ZNF229: variants seen among roughly 807,000 people sequenced by gnomAD.
ZNF229 encodes the protein zinc finger protein 229.
ZNF229 carries 10 observed loss-of-function variants against 11.8 expected under a neutral mutation model. That is an observed-to-expected ratio of 0.85 (90% CI 0.52 to 1.44). The LOEUF (loss-of-function observed/expected upper bound fraction) is 1.44. Among genes scored for constraint, ZNF229 ranks in the 40% most tolerant of loss-of-function variants. The pLI is 0.00. For missense variants in ZNF229, 1,045 were observed against 1,015.1 expected (o/e 1.03, Z -0.40); for synonymous variants, 368 against 374.8 (o/e 0.98, Z 0.21).
At chr19:44,431,087 C>T (rs1195086187) in intron 5 of ZNF229, among the ~76,000 whole-genome samples, 1 of 152,116 alleles carries the variant, frequency 6.6e-6, no homozygotes, top group Admixed American at 6.5e-5. Flanking sequence ...CACTGTGTCT[C>T]AGGGGTGACT....
rs1487145453 is a variant in ZNF229 at position 44,429,357 on chromosome 19, T to C, written c.1424A>G (p.His475Arg). Residue 475 changes from histidine (H) to arginine (R), a missense_variant, in exon 6 of 6, where the codon CAC (histidine) becomes CGC (arginine). His to Arg is a conservative substitution (Grantham distance 29). Transcript: ENST00000614049. Reference sequence around the variant, plus strand: ...GTGTGTCTTCTGATGACTGCTGAGGTGGGAGCTGCAGCTGAATCCCTTTCC... The same window carrying C: ...GTGTGTCTTCTGATGACTGCTGAGGCGGGAGCTGCAGCTGAATCCCTTTCC... ...ECGKGFSCSS[H>R]LSSHQKTHTG... 3 of 1,613,878 alleles carry C rather than the reference T, an allele frequency of 1.9e-6. No homozygotes were observed. The highest frequency in any genetic ancestry group is 1.1e-5 in the South Asian group (1 of 91,088).
intron 2 of ZNF229, among the ~76,000 whole-genome samples, chr19:44,443,533 T>C (rs1971952924): frequency 1.3e-5 from 2 of 152,194 alleles, no homozygotes; most frequent in Non-Finnish European, 2.9e-5. Flanking sequence ...AAGTTTTAAA[T>C]GCATAAAATG....
At chr19:44,430,567 G>A (rs1276106878) in intron 5 of ZNF229, 25 bp from the exon 6 acceptor site, 1 of 1,582,154 alleles carries the variant, frequency 6.3e-7, no homozygotes, top group African/African-American at 1.4e-5. Flanking sequence ...ACAATTCAGA[G>A]ATGAGAACTA....
Position 44,426,429 on chromosome 19 carries a change from T to C in ZNF229, c.*1874A>G, listed in dbSNP as rs184587590. 74 of 152,328 alleles carry C rather than the reference T, an allele frequency of 4.9e-4. 1 individual carries two copies. The highest frequency in any genetic ancestry group is 1.8e-3 in the African/African-American group (73 of 41,534). 9.4% of individuals were successfully genotyped at this position (152,328 alleles called of 1,614,324 possible). On this transcript the variant is annotated 3_prime_UTR_variant, in exon 6 of 6. Transcript: ENST00000614049. ...TCCCACCACTAGAGATAAGTAGTTA[T>C]ATGTCCTCTCCCACATCTTTTTTTC...
At chr19:44,431,736 C>A (rs1341683719) in intron 5 of ZNF229, 6 of 985,846 alleles carry the variant, frequency 6.1e-6, no homozygotes, top group Non-Finnish European at 7.2e-6. Flanking sequence ...AGGCTCTTGT[C>A]TCCAAGACCT....
In ZNF229 at chr19:44,430,066, G is replaced by A. The variant is rs1971687450; in HGVS notation, c.715C>T (p.Pro239Ser). 2 of 1,614,004 alleles carry A rather than the reference G, an allele frequency of 1.2e-6. No individual in the cohort carries two copies. The highest frequency in any genetic ancestry group is 1.7e-6 in the Non-Finnish European group (2 of 1,180,042). Residue 239 changes from proline to serine, a missense_variant, in exon 6 of 6, where the codon CCG becomes TCG. Coordinates refer to ENST00000614049, the MANE Select transcript of ZNF229 (RefSeq NM_014518.4). ...TTTCTGCATTTATTGCAACCACACG[G>A]CTTGTCTATTTCAGGGAATCTGTGA... ...VDHRFPEIDKPCGCNKCRKDC... is the reference protein window; with the variant it reads ...VDHRFPEIDKSCGCNKCRKDC...
chr19:44,429,657 C>T lies in ZNF229; in HGVS notation c.1124G>A (p.Arg375Lys), dbSNP rs771028261. 6 of 1,614,094 alleles carry T rather than the reference C, an allele frequency of 3.7e-6. No individual in the cohort carries two copies. In the East Asian group the frequency reaches 1.3e-4, roughly 36 times the overall value. Reference protein sequence around the residue: ...LIHQGVHTGRRPYKCEECGKA... With the variant: ...LIHQGVHTGRKPYKCEECGKA... ...CCCACACTCCTCACATTTATAGGGT[C>T]TCCTTCCTGTGTGCACCCCTTGATG... Residue 375 changes from arginine (R) to lysine (K), a missense_variant, in exon 6 of 6, where the codon AGA (arginine) becomes AAA (lysine). Coordinates refer to ENST00000614049, the MANE Select transcript of ZNF229 (RefSeq NM_014518.4).
Position 44,430,147 on chromosome 19 carries a change from CT to C in ZNF229, c.633del (p.Val212TyrfsTer25). 2 of 1,614,082 alleles carry C rather than the reference CT, an allele frequency of 1.2e-6. No homozygotes were observed. On this transcript the variant is annotated frameshift_variant, in exon 6 of 6. Transcript: ENST00000614049. LOFTEE classifies it low-confidence loss of function (END_TRUNC). The stretch of plus-strand genomic sequence containing the variant: ...TCATCATCCCAGTTACATTTATATA[CT>C]GTGTCTTCTGTGTCGAGATTTTTAC... ...ERCKNLDTEDTVYKCNWDDDS... is the reference protein window; with the variant it reads ...ERCKNLDTEDXVYKCNWDDDS...
At chr19:44,440,953 G>A (rs2037903) in intron 4 of ZNF229, among the ~76,000 whole-genome samples, 42,681 of 151,800 alleles carry the variant, frequency 0.28, 7,341 homozygotes, top group South Asian at 0.48. Flanking sequence ...TCGAACTCCT[G>A]AGCTCAAGTG....
chr19:44,429,575 C>T lies in ZNF229; in HGVS notation c.1206G>A (p.Glu402=). The change falls in exon 6 of 6, where the codon GAG becomes GAA. Residue 402 remains glutamate, a synonymous_variant. Coordinates refer to ENST00000614049, the MANE Select transcript of ZNF229 (RefSeq NM_014518.4). ...LLVHQRVHTG[E]KPYKCSECGK... ...CACACTCGCTGCATTTATATGGTTT[C>T]TCTCCAGTGTGGACCCTCTGATGGA... The T allele has an allele frequency of 6.2e-6, 10 of 1,614,088 alleles. No homozygotes were observed. Among genetic ancestry groups the T allele is most frequent in the Non-Finnish European group, 8.5e-6 (10 of 1,180,040 alleles).
intron 4 of ZNF229, among the ~76,000 whole-genome samples, chr19:44,436,544 G>T (rs1971817605): frequency 6.6e-6 from 1 of 152,116 alleles, no homozygotes; most frequent in African/African-American, 2.4e-5. Flanking sequence ...ACTTTGTGAG[G>T]CCAAGATGGG....
rs763061749 is a variant in ZNF229, at chr19:44,429,656, T to C, written c.1125A>G (p.Arg375=). The change falls in exon 6 of 6, where the codon AGA becomes AGG. Residue 375 remains arginine, a synonymous_variant. Transcript: ENST00000614049. ...TCCCACACTCCTCACATTTATAGGGTCTCCTTCCTGTGTGCACCCCTTGAT... is the reference window on the plus strand; with the variant it reads ...TCCCACACTCCTCACATTTATAGGGCCTCCTTCCTGTGTGCACCCCTTGAT... ...LIHQGVHTGR[R]PYKCEECGKA... 4 of 1,613,892 alleles carry C rather than the reference T, an allele frequency of 2.5e-6. No homozygotes were observed. The highest frequency in any genetic ancestry group is 2.5e-6 in the Non-Finnish European group (3 of 1,180,026).
chr19:44,432,590 CA>C (rs983558478), intron 4 of ZNF229, among the ~76,000 whole-genome samples: 1 of 150,418 alleles, frequency 6.6e-6, no homozygotes, highest in African/African-American at 2.5e-5. Context: ...ATCGCAAGGA[CA>C]AAAAAACCAA....
At chr19:44,447,893 T>A (rs889137375) in intron 1 of ZNF229, among the ~76,000 whole-genome samples, 1 of 152,202 alleles carries the variant, frequency 6.6e-6, no homozygotes, top group African/African-American at 2.4e-5. Flanking sequence ...CAGAGCTGAC[T>A]GTCACATGCT....
At chr19:44,443,971 C>G (rs1180774977) in intron 2 of ZNF229, among the ~76,000 whole-genome samples, 3 of 152,154 alleles carry the variant, frequency 2.0e-5, no homozygotes, top group Non-Finnish European at 4.4e-5. Context: ...TGGGATCCAG[C>G]AACACATGGT....
chr19:44,435,549 C>G (rs1971797504), intron 4 of ZNF229, among the ~76,000 whole-genome samples: 1 of 151,770 alleles, frequency 6.6e-6, no homozygotes, highest in African/African-American at 2.4e-5. Flanking sequence ...TCAGCGGAGA[C>G]TCGGTGCCCA....
chr19:44,442,700 C>A, intron 3 of ZNF229, 79 bp from the exon 4 acceptor site: 1 of 1,603,496 alleles, frequency 6.2e-7, no homozygotes, highest in Non-Finnish European at 8.5e-7. Context: ...AGGAAGGTGC[C>A]CAGCTTTACA....
At chr19:44,433,808 C>T (rs560078582) in intron 4 of ZNF229, among the ~76,000 whole-genome samples, 77 of 152,146 alleles carry the variant, frequency 5.1e-4, no homozygotes, top group African/African-American at 1.9e-3. Context: ...GCTCTGTTGC[C>T]CAGGCTGGAG....
rs756442035 is a variant in ZNF229, at chr19:44,432,382, A to G, written c.94-16T>C. The G allele has an allele frequency of 3.1e-6, 5 of 1,612,260 alleles. No homozygotes were observed. In the South Asian group the frequency reaches 4.4e-5, roughly 14 times the overall value. Reference sequence around the variant, plus strand: ...TCAATGGCTCCTAAAATGAAAAACCATTAACACAAACATCTACTAGATGAA... The same window carrying G: ...TCAATGGCTCCTAAAATGAAAAACCGTTAACACAAACATCTACTAGATGAA... On this transcript the variant is annotated splice_polypyrimidine_tract_variant and intron_variant, in intron 4 of 5. Transcript: ENST00000614049.
Sources: gnomAD v4.1 joint callset for allele counts (sites outside exome capture counted in the v4.1 genomes callset) on GRCh38, gnomAD v4.1.1 for gene constraint, MANE v1.5 for transcripts, NCBI Gene and HGNC (gene_info 2026-07-23, HGNC 2026-07-21) for gene names.